NAAA: variants seen among roughly 807,000 people sequenced by gnomAD.
NAAA encodes N-acylethanolamine-hydrolyzing acid amidase.
In NAAA, 39 loss-of-function variants were observed where a neutral mutation model predicts 44.8. The observed-to-expected ratio is 0.87, with a 90% CI of 0.67 to 1.14. The LOEUF (loss-of-function observed/expected upper bound fraction) is 1.14. NAAA is among the 50% of genes most tolerant of loss of function. The pLI is 0.00. For synonymous variants in NAAA, 178 were observed against 191.3 expected, an observed-to-expected ratio of 0.93 and a Z score of 0.58; for missense variants, 460 against 467.8, an observed-to-expected ratio of 0.98 and a Z score of 0.15.
At chr4:75,916,039 T>G (rs1437062127) in intron 9 of NAAA, among the ~76,000 whole-genome samples, 1 of 152,048 alleles carries the variant, frequency 6.6e-6, no homozygotes, top group Admixed American at 6.5e-5. Flanking sequence ...GTAATGGAGG[T>G]TCCCTGAACA....
intron 7 of NAAA, 53 bp downstream of exon 7, chr4:75,920,685 A>G: frequency 2.5e-6 from 4 of 1,605,214 alleles, no homozygotes; most frequent in Non-Finnish European, 2.6e-6. Flanking sequence ...GAATGGGCAT[A>G]TTCTCCTGAC....
chr4:75,916,492 C>T lies in NAAA; in HGVS notation c.999-1507G>A, dbSNP rs1016441012. On this transcript the variant is annotated intron_variant, in intron 9 of 10. Coordinates refer to ENST00000286733, the MANE Select transcript of NAAA (RefSeq NM_014435.4). ...CAAACCATTTCAGAAACCATTTAAA[C>T]ATTCATAACTGTTAACTCAGTAATC... is the stretch of plus-strand genomic sequence containing the variant. 5 of 152,302 alleles carry T rather than the reference C, an allele frequency of 3.3e-5. No individual in the cohort carries two copies. In the South Asian group the frequency reaches 8.3e-4, roughly 25 times the overall value. 9.4% of individuals were successfully genotyped at this position (152,302 alleles called of 1,614,324 possible). A position where few individuals can be genotyped will look rare whatever the true frequency, so the allele number is the denominator to read the frequency against.
At chr4:75,925,069 G>A (rs1483516742) in intron 5 of NAAA, among the ~76,000 whole-genome samples, 1 of 151,730 alleles carries the variant, frequency 6.6e-6, no homozygotes, top group African/African-American at 2.4e-5. Flanking sequence ...TCGGCTCAAT[G>A]CAAGCTCCGC....
chr4:75,925,693 T>C, intron 5 of NAAA, 42 bp downstream of exon 5: 1 of 1,567,844 alleles, frequency 6.4e-7, no homozygotes, highest in South Asian at 1.1e-5. Flanking sequence ...GTTTAGAAGG[T>C]GGAGGTGGAG....
chr4:75,933,907 A>C (rs1204996431), intron 3 of NAAA, among the ~76,000 whole-genome samples: 2 of 151,728 alleles, frequency 1.3e-5, no homozygotes, highest in Non-Finnish European at 2.9e-5. Flanking sequence ...GCACCCTCCT[A>C]TAGTCCCAGC....
chr4:75,930,029 C>T (rs921018544), intron 4 of NAAA, among the ~76,000 whole-genome samples: 3 of 152,066 alleles, frequency 2.0e-5, no homozygotes, highest in African/African-American at 7.2e-5. Context: ...GCAGAGGTTG[C>T]AGTAAGCTGA....
chr4:75,917,357 A>G (rs1725722092), intron 9 of NAAA: 1 of 152,358 alleles, frequency 6.6e-6, no homozygotes, highest in Non-Finnish European at 1.5e-5. Flanking sequence ...GAATTTTTTC[A>G]TTTGTCCCTT....
At chr4:75,922,788 C>T (rs1279201317) in intron 5 of NAAA, among the ~76,000 whole-genome samples, 1 of 152,214 alleles carries the variant, frequency 6.6e-6, no homozygotes, top group African/African-American at 2.4e-5. Context: ...TTGGCCTTTG[C>T]AGAGGTAATA....
chr4:75,940,249 T>G, intron 1 of NAAA, 84 bp from the exon 2 acceptor site: 1 of 1,458,828 alleles, frequency 6.9e-7, no homozygotes, highest in Non-Finnish European at 9.3e-7. Flanking sequence ...CGGGGCTACA[T>G]CCTTAGGGCG....
intron 2 of NAAA, among the ~76,000 whole-genome samples, chr4:75,937,296 G>C (rs1325809396): frequency 1.3e-5 from 2 of 152,178 alleles, no homozygotes; most frequent in African/African-American, 2.4e-5. Context: ...GCGCACACCT[G>C]TTGTCCCAGC....
chr4:75,914,710 T>C (rs963117191), intron 10 of NAAA, among the ~76,000 whole-genome samples, 158 bp downstream of exon 10: 3 of 152,212 alleles, frequency 2.0e-5, no homozygotes. Context: ...CAATTCCAAA[T>C]AAAATATCTA....
At chr4:75,928,036 T>C (rs1726893589) in intron 4 of NAAA, among the ~76,000 whole-genome samples, 1 of 152,234 alleles carries the variant, frequency 6.6e-6, no homozygotes, top group African/African-American at 2.4e-5. Context: ...AATTTTGAAA[T>C]ACATAATACA....
chr4:75,939,950 CGG>C (rs1278895436), intron 2 of NAAA, 49 bp downstream of exon 2: 1 of 1,600,816 alleles, frequency 6.2e-7, no homozygotes, highest in Non-Finnish European at 8.5e-7. Flanking sequence ...TAGTCTGTGT[CGG>C]GGGCCCCCGC....
Position 75,936,118 on chromosome 4 carries a change from C to CT in NAAA, c.488dup (p.Asn164GlufsTer31). 3 of 1,614,078 alleles carry CT rather than the reference C, an allele frequency of 1.9e-6. No individual in the cohort carries two copies. Among genetic ancestry groups the CT allele is most frequent in the Non-Finnish European group, 1.7e-6 (2 of 1,180,018 alleles). On this transcript the variant is annotated frameshift_variant, in exon 3 of 11. Coordinates refer to ENST00000286733, the MANE Select transcript of NAAA (RefSeq NM_014435.4). LOFTEE classifies it high-confidence loss of function. ...ATGGTACGGATTATACCTGCCCATTCTTTAAGAATTGCACATCCACTGTCA... is the reference window on the plus strand; with the variant it reads ...ATGGTACGGATTATACCTGCCCATTCTTTTAAGAATTGCACATCCACTGTCA...
intron 3 of NAAA, 126 bp from the exon 4 acceptor site, chr4:75,931,430 G>T: frequency 1.5e-6 from 1 of 648,730 alleles, no homozygotes. Context: ...ATAAAACTCT[G>T]AAATAGTCTT....
In NAAA at chr4:75,917,875, G is replaced by C. The variant is rs181889557; in HGVS notation, c.998+886C>G. On this transcript the variant is annotated intron_variant, in intron 9 of 10. Coordinates refer to ENST00000286733, the MANE Select transcript of NAAA (RefSeq NM_014435.4). ...TTGCTCACAGAATGCTGCTATCAAG[G>C]GTACAGGCTAAAAAAGAACATTAAC... The C allele has an allele frequency of 1.3e-5, 4 of 314,262 alleles. No individual in the cohort carries two copies. In the East Asian group the frequency reaches 3.0e-4, roughly 23 times the overall value. 19.5% of individuals were successfully genotyped at this position (314,262 alleles called of 1,614,324 possible). A position where few individuals can be genotyped will look rare whatever the true frequency, so the allele number is the denominator to read the frequency against.
At chr4:75,925,664 T>G (rs1726607590) in intron 5 of NAAA, 71 bp downstream of exon 5, 1 of 1,437,052 alleles carries the variant, frequency 7.0e-7, no homozygotes, top group East Asian at 2.3e-5. Flanking sequence ...AAAGCAACAT[T>G]GTTAAATGAC....
At chr4:75,916,369 T>G (rs1725627535) in intron 9 of NAAA, 1 of 152,218 alleles carries the variant, frequency 6.6e-6, no homozygotes, top group Non-Finnish European at 1.5e-5. Context: ...CCATGGTGAT[T>G]GTCACTTAAA....
At chr4:75,911,231 C>T (rs2149236482), downstream of NAAA, 1 of 473,798 alleles carries the variant, frequency 2.1e-6, no homozygotes, top group East Asian at 6.1e-5. Context: ...GCTATTTTCT[C>T]TTCTTTTGTG....
Sources: allele counts gnomAD v4.1 joint callset (sites outside exome capture counted in the v4.1 genomes callset), GRCh38; gene constraint gnomAD v4.1.1; transcripts MANE v1.5; gene names NCBI Gene and HGNC (gene_info 2026-07-23, HGNC 2026-07-21).